Variants in SLC24A2 observed in about 807,000 individuals in gnomAD.
SLC24A2 encodes the protein sodium/potassium/calcium exchanger 2.
SLC24A2 carries 36 observed loss-of-function variants against 62.0 expected under a neutral mutation model. That is an observed-to-expected ratio of 0.58 (90% CI 0.44 to 0.77). SLC24A2 has a LOEUF of 0.77. SLC24A2 is among the 30% of genes least tolerant of loss of function. The probability of loss-of-function intolerance (pLI) is 0.00; values close to 1 mark genes in which losing one functional copy is unlikely to be tolerated. For missense variants in SLC24A2, 846 were observed against 817.9 expected (o/e 1.03, Z -0.42); for synonymous variants, 358 against 294.0 (o/e 1.22, Z -2.23).
chr9:20,031,418 C>T, the SLC24A2 span, among the ~76,000 whole-genome samples: 1 of 146,478 alleles, frequency 6.8e-6, no homozygotes, highest in Admixed American at 6.8e-5. Context: ...CGCATATGTG[C>T]ACACACACAC....
At chr9:20,010,244 T>A in the SLC24A2 span, among the ~76,000 whole-genome samples, 42 of 152,170 alleles carry the variant, frequency 2.8e-4, no homozygotes, top group Non-Finnish European at 5.1e-4. Flanking sequence ...GACTAAATAA[T>A]AAAGGTGTTT....
chr9:19,640,884 C>T (rs572563189), intron 2 of SLC24A2, among the ~76,000 whole-genome samples: 5 of 152,308 alleles, frequency 3.3e-5, no homozygotes, highest in Admixed American at 6.5e-5. Flanking sequence ...GAGTGCCATC[C>T]TCACCTTACC....
chr9:19,698,505 G>C (rs538009714), intron 2 of SLC24A2, among the ~76,000 whole-genome samples: 3 of 152,114 alleles, frequency 2.0e-5, no homozygotes, highest in African/African-American at 7.2e-5. Flanking sequence ...AAATAAAATG[G>C]TAACCAAGAA....
the SLC24A2 span, among the ~76,000 whole-genome samples, chr9:20,073,688 C>A: frequency 6.6e-6 from 1 of 151,832 alleles, no homozygotes; most frequent in East Asian, 1.9e-4. Flanking sequence ...ACTCATTCAC[C>A]ATTTCCATTT....
chr9:20,187,127 C>G, the SLC24A2 span, among the ~76,000 whole-genome samples: 2 of 152,198 alleles, frequency 1.3e-5, no homozygotes, highest in Non-Finnish European at 2.9e-5. Flanking sequence ...CATCCCATCC[C>G]ATCCATGCAC....
chr9:19,846,289 A>C, the SLC24A2 span, among the ~76,000 whole-genome samples: 3 of 152,180 alleles, frequency 2.0e-5, no homozygotes, highest in Non-Finnish European at 4.4e-5. Flanking sequence ...TTGGGTGCGC[A>C]TATATTTGGA....
At chr9:19,666,910 A>T (rs1338670435) in intron 2 of SLC24A2, among the ~76,000 whole-genome samples, 1 of 152,220 alleles carries the variant, frequency 6.6e-6, no homozygotes. Flanking sequence ...AGTGCTATTT[A>T]TGTGTACATT....
At chr9:19,781,410 A>G (rs1249950884) in intron 2 of SLC24A2, among the ~76,000 whole-genome samples, 1 of 152,186 alleles carries the variant, frequency 6.6e-6, no homozygotes, top group Non-Finnish European at 1.5e-5. Context: ...TGGTGACTCC[A>G]GTTCTCTAGG....
At chr9:19,741,476 C>G (rs893861573) in intron 2 of SLC24A2, among the ~76,000 whole-genome samples, 11 of 152,198 alleles carry the variant, frequency 7.2e-5, no homozygotes, top group Middle Eastern at 3.2e-3. Context: ...AGCCTCAACA[C>G]TCTCTGCTCC....
the SLC24A2 span, among the ~76,000 whole-genome samples, chr9:20,000,833 T>C: frequency 2.0e-5 from 3 of 152,156 alleles, no homozygotes; most frequent in Non-Finnish European, 2.9e-5. Context: ...GAGAAAACTT[T>C]CATGGGAAAA....
At chr9:19,554,603 G>C (rs527351796) in intron 7 of SLC24A2, among the ~76,000 whole-genome samples, 1 of 152,230 alleles carries the variant, frequency 6.6e-6, no homozygotes, top group East Asian at 1.9e-4. Flanking sequence ...CAGCCTTCTC[G>C]GCAAGGTGTG....
At chr9:20,061,706 A>T in the SLC24A2 span, among the ~76,000 whole-genome samples, 1 of 152,220 alleles carries the variant, frequency 6.6e-6, no homozygotes, top group Non-Finnish European at 1.5e-5. Context: ...CATCAATATC[A>T]ATGCAAGAAT....
the SLC24A2 span, among the ~76,000 whole-genome samples, chr9:19,844,275 T>C: frequency 6.6e-6 from 1 of 152,174 alleles, no homozygotes; most frequent in Non-Finnish European, 1.5e-5. Flanking sequence ...ATCAATGACG[T>C]TGAACATTTT....
At chr9:19,581,221 G>A (rs1050082533) in intron 5 of SLC24A2, among the ~76,000 whole-genome samples, 2 of 152,100 alleles carry the variant, frequency 1.3e-5, no homozygotes, top group African/African-American at 4.8e-5. Context: ...CCCAACACTT[G>A]ATTAGAAAAA....
chr9:20,057,862 G>T, the SLC24A2 span, among the ~76,000 whole-genome samples: 1 of 152,082 alleles, frequency 6.6e-6, no homozygotes, highest in African/African-American at 2.4e-5. Flanking sequence ...ACTTTTACAA[G>T]GTCAAGTTGT....
the SLC24A2 span, among the ~76,000 whole-genome samples, chr9:20,074,566 G>T: frequency 1.5e-5 from 1 of 67,840 alleles, no homozygotes; most frequent in Non-Finnish European, 2.8e-5. Flanking sequence ...AGGAAGGAAG[G>T]AAGGAAGGAA....
chr9:19,800,164 T>C, the SLC24A2 span, among the ~76,000 whole-genome samples: 4 of 152,152 alleles, frequency 2.6e-5, no homozygotes, highest in Admixed American at 2.6e-4. Context: ...TTGGAGTAGA[T>C]CATGTTCTGA....
the SLC24A2 span, among the ~76,000 whole-genome samples, chr9:19,895,632 C>T: frequency 2.1e-5 from 3 of 146,220 alleles, no homozygotes; most frequent in Admixed American, 7.1e-5. Context: ...TCTGTGCTTT[C>T]TGGCAGCCGG....
chr9:19,617,719 A>G (rs557258955), intron 4 of SLC24A2, among the ~76,000 whole-genome samples: 2 of 152,302 alleles, frequency 1.3e-5, no homozygotes, highest in African/African-American at 4.8e-5. Flanking sequence ...CCTGACTTTG[A>G]GGGGGGCTCC....
Sources: gnomAD v4.1 joint callset for allele counts (sites outside exome capture counted in the v4.1 genomes callset) on GRCh38, gnomAD v4.1.1 for gene constraint, MANE v1.5 for transcripts, NCBI Gene and HGNC (gene_info 2026-07-23, HGNC 2026-07-21) for gene names.